The following ARHGAP29 variants were observed in gnomAD, a reference collection of about 807,000 sequenced individuals.
ARHGAP29 encodes the protein Rho GTPase activating protein 29.
In ARHGAP29, 43 loss-of-function variants were observed where a neutral mutation model predicts 122.6. The observed-to-expected ratio is 0.35, with a 90% confidence interval of 0.27 to 0.45. ARHGAP29 has a LOEUF of 0.45. Among genes scored for constraint, ARHGAP29 ranks in the 20% least tolerant of loss-of-function variants. The probability of loss-of-function intolerance (pLI) is 1.00; values close to 1 mark genes in which losing one functional copy is unlikely to be tolerated. For synonymous variants in ARHGAP29, 506 were observed against 497.1 expected (o/e 1.02, Z -0.24); for missense variants, 1,303 against 1,477.2 (o/e 0.88, Z 1.93).
chr1:94,268,403 C>A, intron 1 of ARHGAP29, among the ~76,000 whole-genome samples: 1 of 152,090 alleles, frequency 6.6e-6, no homozygotes, highest in Non-Finnish European at 1.5e-5. Context: ...CTGCCACATC[C>A]CCCCAGCACA....
chr1:94,184,260 A>G lies in ARHGAP29; in HGVS notation c.2138T>C (p.Ile713Thr), dbSNP rs369895563. Reference protein sequence around the residue: ...QGIYRVCGNKIKTEKLCQALE... With the variant: ...QGIYRVCGNKTKTEKLCQALE... ...AGCTTGACACAATTTTTCAGTTTTT[A>G]TTTTGTTTCCACACACACGATAAAT... is the stretch of plus-strand genomic sequence containing the variant. Residue 713 changes from isoleucine (I) to threonine (T), a missense_variant, in exon 19 of 23, where the codon ATA (isoleucine) becomes ACA (threonine). Ile to Thr is a moderately conservative substitution (Grantham distance 89, BLOSUM62 -1). Around this residue, in one of 3 missense-constraint regions of ARHGAP29, gnomAD observed 620 missense variants for 651.2 expected, o/e 0.95. Transcript: ENST00000260526. 3 of 1,611,568 alleles carry G rather than the reference A, an allele frequency of 1.9e-6. No homozygotes were observed. Among genetic ancestry groups the G allele is most frequent in the Non-Finnish European group, 1.7e-6 (2 of 1,179,264 alleles).
In ARHGAP29 at chr1:94,267,199, C is replaced by T. The variant is rs565322689; in HGVS notation, c.-33+7813G>A. On this transcript the variant is annotated intron_variant and NMD_transcript_variant, in intron 1 of 25. Coordinates refer to the ARHGAP29 transcript ENST00000552844. ...TACTATGGACTGTTAAAGTAGAAAA[C>T]TGGGACCTTATGGGGCCATCTTAGC... 1.9e-3 allele frequency among the ~76,000 whole-genome samples: 283 copies of T among 152,284 alleles called. 1 individual carries two copies. Among genetic ancestry groups the T allele is most frequent in the African/African-American group, 6.6e-3 (274 of 41,566 alleles).
chr1:94,189,872 A>C (rs1490773084), intron 13 of ARHGAP29, 54 bp downstream of exon 13: 1 of 1,562,100 alleles, frequency 6.4e-7, no homozygotes, highest in Non-Finnish European at 8.8e-7. Context: ...ATAGAAACTT[A>C]ACAATTAAGT....
chr1:94,181,524 C>A (rs1199763213), intron 19 of ARHGAP29, among the ~76,000 whole-genome samples: 1 of 152,072 alleles, frequency 6.6e-6, no homozygotes, highest in African/African-American at 2.4e-5. Context: ...ACACTCTAGG[C>A]AAGGAAAGAC....
chr1:94,199,827 G>A (rs1249868546), intron 12 of ARHGAP29, among the ~76,000 whole-genome samples: 1 of 152,134 alleles, frequency 6.6e-6, no homozygotes, highest in Non-Finnish European at 1.5e-5. Flanking sequence ...GGATTGACAT[G>A]TCCCCTTCTC....
chr1:94,169,254 G>C lies in ARHGAP29; in HGVS notation c.*4615C>G, dbSNP rs1401590536. On this transcript the variant is annotated 3_prime_UTR_variant, in exon 23 of 23. Coordinates refer to ENST00000260526, the MANE Select transcript of ARHGAP29 (RefSeq NM_004815.4). ...GATGACAGGAGCCTAGGATTCCAAT[G>C]GTGTGCTCAGGACTGACATCACTGG... Among the ~76,000 whole-genome samples, 4 of 152,138 alleles carry C rather than the reference G, an allele frequency of 2.6e-5. No homozygotes were observed. Among genetic ancestry groups the C allele is most frequent in the Admixed American group, 6.5e-5 (1 of 15,272 alleles).
At chr1:94,186,690 T>A in intron 15 of ARHGAP29, 93 bp from the exon 16 acceptor site, 1 of 914,514 alleles carries the variant, frequency 1.1e-6, no homozygotes, top group Non-Finnish European at 1.7e-6. Flanking sequence ...CACGTCATAC[T>A]ATTTTATTAG....
chr1:94,290,117 G>T, the ARHGAP29 span, among the ~76,000 whole-genome samples: 1 of 152,112 alleles, frequency 6.6e-6, no homozygotes, highest in African/African-American at 2.4e-5. Context: ...AATCCGTCTG[G>T]TCCTGGACTT....
intron 12 of ARHGAP29, among the ~76,000 whole-genome samples, chr1:94,199,880 C>T (rs1234640407): frequency 6.6e-6 from 1 of 152,134 alleles, no homozygotes; most frequent in Non-Finnish European, 1.5e-5. Context: ...ATGGCACTGA[C>T]CTTTCTGTGT....
At chr1:94,303,445 C>G in the ARHGAP29 span, among the ~76,000 whole-genome samples, 1 of 152,034 alleles carries the variant, frequency 6.6e-6, no homozygotes, top group African/African-American at 2.4e-5. Context: ...TAATGGGTAC[C>G]GAGTTCCAGA....
At chr1:94,224,820 T>G (rs1652521676) in intron 2 of ARHGAP29, among the ~76,000 whole-genome samples, 2 of 152,158 alleles carry the variant, frequency 1.3e-5, no homozygotes, top group African/African-American at 4.8e-5. Flanking sequence ...CAATTCCTTT[T>G]TTTCCTACAA....
intron 11 of ARHGAP29, 91 bp downstream of exon 11, chr1:94,202,453 G>A (rs539466938): frequency 6.8e-7 from 1 of 1,474,932 alleles, no homozygotes; most frequent in East Asian, 2.3e-5. Context: ...TGCCTTTCCA[G>A]GCAGTCTTGG....
At chr1:94,193,399 T>G (rs928301577) in intron 12 of ARHGAP29, 1 of 148,908 alleles carries the variant, frequency 6.7e-6, no homozygotes, top group Non-Finnish European at 1.5e-5. Flanking sequence ...GAAACAATAG[T>G]TGAAAACTTC....
Position 94,183,693 on chromosome 1 carries a change from C to T in ARHGAP29, c.2247+458G>A, listed in dbSNP as rs114227226. On this transcript the variant is annotated intron_variant, in intron 19 of 22. Coordinates refer to ENST00000260526, the MANE Select transcript of ARHGAP29 (RefSeq NM_004815.4). The stretch of plus-strand genomic sequence containing the variant: ...GCAAAGCCAGCCTATGATCCAGACA[C>T]TGTTTTACTTACTTCATATAACTGT... Among the ~76,000 whole-genome samples the T allele has an allele frequency of 1.6e-3, 242 of 152,320 alleles. 3 individuals carry two copies. Among genetic ancestry groups the T allele is most frequent in the African/African-American group, 5.4e-3 (226 of 41,578 alleles).
chr1:94,298,035 T>C, the ARHGAP29 span, among the ~76,000 whole-genome samples: 1 of 152,180 alleles, frequency 6.6e-6, no homozygotes, highest in Non-Finnish European at 1.5e-5. Context: ...AAAATGGTAA[T>C]GATAAAAAGA....
At chr1:94,214,673 G>A (rs1344190203) in intron 3 of ARHGAP29, among the ~76,000 whole-genome samples, 1 of 151,984 alleles carries the variant, frequency 6.6e-6, no homozygotes, top group Admixed American at 6.6e-5. Flanking sequence ...TCTATTAATA[G>A]TCCTTCAAAA....
intron 1 of ARHGAP29, among the ~76,000 whole-genome samples, chr1:94,237,096 G>A (rs1482955975): frequency 6.6e-6 from 1 of 152,220 alleles, no homozygotes; most frequent in Non-Finnish European, 1.5e-5. Flanking sequence ...CAGAACAGCA[G>A]GCGGACCCGT....
chr1:94,219,295 T>C (rs1483467599), intron 3 of ARHGAP29, among the ~76,000 whole-genome samples: 2 of 151,386 alleles, frequency 1.3e-5, no homozygotes, highest in Non-Finnish European at 2.9e-5. Context: ...TCTCCCTACC[T>C]GTTAGGTGTT....
intron 2 of ARHGAP29, among the ~76,000 whole-genome samples, chr1:94,230,129 A>C (rs1002462114): frequency 6.6e-6 from 1 of 151,758 alleles, no homozygotes; most frequent in African/African-American, 2.4e-5. Flanking sequence ...AGAAGTATAC[A>C]TTTTATTGTT....
Sources: allele counts gnomAD v4.1 joint callset (sites outside exome capture counted in the v4.1 genomes callset), GRCh38; gene constraint gnomAD v4.1.1; regional missense constraint gnomAD v4.1.1; transcripts MANE v1.5; gene names NCBI Gene and HGNC (gene_info 2026-07-23, HGNC 2026-07-21).